The following RPTOR variants were observed in gnomAD, a reference collection of about 807,000 sequenced individuals.
The protein encoded by RPTOR is regulatory associated protein of MTOR complex 1, also known as regulatory-associated protein of mTOR.
RPTOR carries 21 observed loss-of-function variants against 169.9 expected under a neutral mutation model. The observed-to-expected ratio is 0.12, with a 90% CI of 0.09 to 0.18. The LOEUF (loss-of-function observed/expected upper bound fraction) is 0.18. Among genes scored for constraint, RPTOR ranks in the 10% least tolerant of loss-of-function variants. RPTOR has a pLI of 1.00. For missense variants in RPTOR, 1,133 were observed against 1,855.9 expected (o/e 0.61, Z 7.16); for synonymous variants, 732 against 753.2 (o/e 0.97, Z 0.46).
intron 1 of RPTOR, among the ~76,000 whole-genome samples, chr17:80,598,575 A>G (rs1434011156): frequency 6.6e-6 from 1 of 152,244 alleles, no homozygotes; most frequent in Non-Finnish European, 1.5e-5. Context: ...GCAGATGCCC[A>G]AGAGCCTTGA....
intron 5 of RPTOR, chr17:80,743,333 G>A (rs1027454324): frequency 1.3e-5 from 13 of 985,370 alleles, no homozygotes; most frequent in Non-Finnish European, 1.4e-5. Context: ...TGCAGGTTCC[G>A]CCGTGCAGAG....
rs1220113516 is a variant in RPTOR at position 80,964,320 on chromosome 17, G to A, written c.3998G>A (p.Arg1333His). Residue 1333 changes from arginine (R) to histidine (H), a missense_variant, in exon 34 of 34, where the codon CGT (arginine) becomes CAT (histidine). Coordinates refer to ENST00000306801, the MANE Select transcript of RPTOR (RefSeq NM_020761.3). Reference sequence around the variant, plus strand: ...ATCTCCGTGTACTCGGTGGAGAAGCGTGTCAGATAGCGGCGTGACCCGGGC... The same window carrying A: ...ATCTCCGTGTACTCGGTGGAGAAGCATGTCAGATAGCGGCGTGACCCGGGC... ...YYISVYSVEK[R>H]VR The A allele has an allele frequency of 2.5e-6, 4 of 1,607,542 alleles. No homozygotes were observed. Among genetic ancestry groups the A allele is most frequent in the African/African-American group, 2.7e-5 (2 of 74,888 alleles).
At chr17:80,735,101 C>G (rs1275541602) in intron 5 of RPTOR, among the ~76,000 whole-genome samples, 1 of 152,182 alleles carries the variant, frequency 6.6e-6, no homozygotes, top group Non-Finnish European at 1.5e-5. Flanking sequence ...TGGCCAGAGC[C>G]AGGTCACGTA....
chr17:80,564,042 G>T (rs1214288920), intron 1 of RPTOR, among the ~76,000 whole-genome samples: 1 of 151,884 alleles, frequency 6.6e-6, no homozygotes, highest in Non-Finnish European at 1.5e-5. Flanking sequence ...AAATTGTGCT[G>T]CAGGGAACAT....
At chr17:80,941,460 C>G (rs1375656361) in intron 25 of RPTOR, 1 of 152,454 alleles carries the variant, frequency 6.6e-6, no homozygotes, top group East Asian at 1.9e-4. Context: ...CAGGAGAGTA[C>G]AGGGGCCCAG....
At chr17:80,818,645 A>G (rs1343758455) in intron 7 of RPTOR, among the ~76,000 whole-genome samples, 2 of 152,088 alleles carry the variant, frequency 1.3e-5, no homozygotes, top group Non-Finnish European at 1.5e-5. Context: ...TGCTCACTGG[A>G]TGGTTGGTTC....
intron 1 of RPTOR, among the ~76,000 whole-genome samples, chr17:80,619,887 C>T (rs2065342094): frequency 6.6e-6 from 1 of 152,202 alleles, no homozygotes; most frequent in Admixed American, 6.5e-5. Context: ...GTTATAATAA[C>T]ATCAGGACCC....
chr17:80,638,684 G>A (rs879418240), intron 2 of RPTOR, among the ~76,000 whole-genome samples: 1 of 152,096 alleles, frequency 6.6e-6, no homozygotes, highest in Non-Finnish European at 1.5e-5. Flanking sequence ...CCCTCTGAAG[G>A]AATCTGAAAG....
rs1278463559 is a variant in RPTOR at position 80,965,787 on chromosome 17, G to A, written c.*1457G>A. On this transcript the variant is annotated 3_prime_UTR_variant, in exon 34 of 34. Coordinates refer to ENST00000306801, the MANE Select transcript of RPTOR (RefSeq NM_020761.3). ...GCTGGAGACTGAGCTGGGGCTGGCC[G>A]GGACGTGACAAGGCAGGACAGAGGC... 1.7e-5 allele frequency: 4 copies of A among 233,272 alleles called. No individual in the cohort carries two copies. Among genetic ancestry groups the A allele is most frequent in the East Asian group, 1.2e-4 (2 of 16,608 alleles). 14.5% of individuals were successfully genotyped at this position (233,272 alleles called of 1,614,324 possible).
intron 1 of RPTOR, among the ~76,000 whole-genome samples, chr17:80,574,839 T>TC (rs983749186): frequency 3.3e-5 from 5 of 149,618 alleles, no homozygotes; most frequent in Non-Finnish European, 5.9e-5. Context: ...TTTTTTTTTT[T>TC]TTTTTGTAGA....
chr17:80,570,052 C>T (rs1168013170), intron 1 of RPTOR, among the ~76,000 whole-genome samples: 2 of 152,092 alleles, frequency 1.3e-5, no homozygotes, highest in East Asian at 3.9e-4. Flanking sequence ...CTGTCTCCTC[C>T]TTGTTACTCT....
intron 20 of RPTOR, among the ~76,000 whole-genome samples, chr17:80,899,075 C>T (rs192663641): frequency 2.0e-5 from 3 of 152,106 alleles, no homozygotes; most frequent in South Asian, 2.1e-4. Context: ...AACCCAGACA[C>T]GCCAGCTTAG....
intron 2 of RPTOR, among the ~76,000 whole-genome samples, chr17:80,631,513 G>A (rs1042686120): frequency 6.6e-6 from 1 of 152,168 alleles, no homozygotes; most frequent in African/African-American, 2.4e-5. Context: ...ATGTGCCCGG[G>A]CTTTCTCGGA....
In RPTOR at chr17:80,708,107, T is replaced by C; in HGVS notation, c.507+108T>C. ...TAGCTTCTGTTAAGCCATTGATGTT[T>C]ACTGTGTTTCAACAAACCCAAATGC... On this transcript the variant is annotated intron_variant, in intron 4 of 33. Transcript: ENST00000306801. This position sits in a 1 kb window ranked among gnomAD's most constrained non-coding sequence, Gnocchi z 4.2. 8.7e-7 allele frequency: 1 copy of C among 1,154,546 alleles called. No individual in the cohort carries two copies. The highest frequency in any genetic ancestry group is 1.5e-5 in the South Asian group (1 of 64,704). The allele number at this position is 1,154,546 out of a possible 1,614,324, so 71.5% of individuals were successfully genotyped here.
intron 13 of RPTOR, among the ~76,000 whole-genome samples, chr17:80,876,961 C>T (rs1253039184): frequency 1.6e-5 from 2 of 125,334 alleles, no homozygotes; most frequent in Non-Finnish European, 1.6e-5. Flanking sequence ...GTGTGTGTGT[C>T]GCCTGCCGGG....
intron 3 of RPTOR, among the ~76,000 whole-genome samples, chr17:80,688,876 C>T (rs2065969036): frequency 6.6e-6 from 1 of 152,254 alleles, no homozygotes; most frequent in Non-Finnish European, 1.5e-5. Flanking sequence ...ACTCTCTGCC[C>T]TTCCACCCCA....
intron 6 of RPTOR, among the ~76,000 whole-genome samples, chr17:80,758,230 G>A (rs1370847116): frequency 6.6e-6 from 1 of 152,224 alleles, no homozygotes; most frequent in East Asian, 1.9e-4. Context: ...GTGACCTTAT[G>A]GCACCAAGGG....
rs758507530 is a variant in RPTOR at position 80,822,222 on chromosome 17, C to T, written c.912C>T (p.Asp304=). ...CTAGGATCCCTGGCCGCCTGAACGACAGGAGGACGCCCCTGGGTGAACTGA... is the reference window on the plus strand; with the variant it reads ...CTAGGATCCCTGGCCGCCTGAACGATAGGAGGACGCCCCTGGGTGAACTGA... ...LIEKIPGRLN[D]RRTPLGELNW... Residue 304 remains aspartate (D), a synonymous_variant, in exon 8 of 34, where the codon GAC becomes GAT. Coordinates refer to ENST00000306801, the MANE Select transcript of RPTOR (RefSeq NM_020761.3). The T allele has an allele frequency of 6.2e-7, 1 of 1,614,202 alleles. No individual in the cohort carries two copies. The highest frequency in any genetic ancestry group is 8.5e-7 in the Non-Finnish European group (1 of 1,180,026).
intron 1 of RPTOR, among the ~76,000 whole-genome samples, chr17:80,574,671 T>C (rs532240163): frequency 1.3e-5 from 2 of 152,064 alleles, no homozygotes; most frequent in Non-Finnish European, 2.9e-5. Flanking sequence ...TTGTTGTTTT[T>C]TTGAGACAAG....
Sources: gnomAD v4.1 joint callset for allele counts (sites outside exome capture counted in the v4.1 genomes callset) on GRCh38, gnomAD v4.1.1 for gene constraint, Gnocchi (gnomAD v3.1) non-coding constraint, MANE v1.5 for transcripts, NCBI Gene and HGNC (gene_info 2026-07-23, HGNC 2026-07-21) for gene names.